STPG2: variants seen among roughly 807,000 people sequenced by gnomAD.
The protein encoded by STPG2 is sperm-tail PG-rich repeat-containing protein 2.
In STPG2, 56 loss-of-function variants were observed where a neutral mutation model predicts 54.2. That is an observed-to-expected ratio of 1.03 (90% CI 0.83 to 1.29). STPG2 has a LOEUF of 1.29. Among genes scored for constraint, STPG2 ranks in the 50% most tolerant of loss-of-function variants. The pLI, the probability that STPG2 is intolerant of heterozygous loss-of-function variation, is 0.00. For synonymous variants in STPG2, 200 were observed against 181.8 expected (o/e 1.10, Z -0.81); for missense variants, 596 against 544.9 (o/e 1.09, Z -0.93).
At chr4:97,798,172 CTCTA>C (rs1481388257) in intron 9 of STPG2, among the ~76,000 whole-genome samples, 1 of 152,090 alleles carries the variant, frequency 6.6e-6, no homozygotes, top group African/African-American at 2.4e-5. Flanking sequence ...ATTTTTGTGT[CTCTA>C]TCTCTTTCAG....
intron 9 of STPG2, among the ~76,000 whole-genome samples, chr4:97,733,076 C>A (rs1205717886): frequency 1.3e-5 from 2 of 151,858 alleles, no homozygotes; most frequent in East Asian, 3.9e-4. Flanking sequence ...TCCAGCAATC[C>A]CACTACTGGG....
At chr4:97,527,199 T>A (rs1433932617) in intron 4 of STPG2, among the ~76,000 whole-genome samples, 3 of 152,112 alleles carry the variant, frequency 2.0e-5, no homozygotes, top group Non-Finnish European at 4.4e-5. Flanking sequence ...CTTCCCTGTG[T>A]CCATGTGTTC....
At chr4:97,936,059 C>T (rs1226442504) in intron 8 of STPG2, among the ~76,000 whole-genome samples, 2 of 152,146 alleles carry the variant, frequency 1.3e-5, no homozygotes, top group Non-Finnish European at 2.9e-5. Flanking sequence ...AATCTGGGTG[C>T]TCCTGTATTG....
chr4:97,632,536 T>C lies in STPG2; in HGVS notation c.1321-73419A>G, dbSNP rs1560693975. 2.6e-5 allele frequency among the ~76,000 whole-genome samples: 4 copies of C among 152,176 alleles called. 1 individual carries two copies. The highest frequency in any genetic ancestry group is 9.6e-5 in the African/African-American group (4 of 41,470). The stretch of plus-strand genomic sequence containing the variant: ...AATAAAATACCTTTTTTTATAATCC[T>C]GAGTTCTTGCTCTGAAATGTAATGT... On this transcript the variant is annotated intron_variant, in intron 10 of 10. Coordinates refer to ENST00000295268, the MANE Select transcript of STPG2 (RefSeq NM_174952.3).
chr4:97,942,520 C>T (rs1033272968), intron 8 of STPG2, among the ~76,000 whole-genome samples: 4 of 151,986 alleles, frequency 2.6e-5, no homozygotes, highest in African/African-American at 9.7e-5. Context: ...TTACAAAAAT[C>T]TCATAGAATA....
At chr4:98,094,554 G>A (rs915525903) in intron 5 of STPG2, among the ~76,000 whole-genome samples, 1 of 152,186 alleles carries the variant, frequency 6.6e-6, no homozygotes, top group Non-Finnish European at 1.5e-5. Context: ...CCCGAGTCCA[G>A]GCCTAGGCTC....
chr4:97,957,844 C>A (rs940861429), intron 7 of STPG2, among the ~76,000 whole-genome samples: 4 of 152,122 alleles, frequency 2.6e-5, no homozygotes, highest in Non-Finnish European at 5.9e-5. Context: ...AGGAAACATA[C>A]AACCTTTTCA....
chr4:97,823,812 G>A (rs1482447345), intron 9 of STPG2, among the ~76,000 whole-genome samples: 1 of 152,086 alleles, frequency 6.6e-6, no homozygotes, highest in African/African-American at 2.4e-5. Flanking sequence ...TGGATCCGAG[G>A]CCCAACCTAG....
downstream of STPG2, among the ~76,000 whole-genome samples, chr4:97,557,593 G>A (rs2148871425): frequency 6.6e-6 from 1 of 152,266 alleles, no homozygotes; most frequent in Non-Finnish European, 1.5e-5. Context: ...TGAATGGGAT[G>A]TAAAACATAC....
chr4:98,088,383 AT>A (rs1306669066), intron 5 of STPG2, among the ~76,000 whole-genome samples: 1 of 152,062 alleles, frequency 6.6e-6, no homozygotes, highest in African/African-American at 2.4e-5. Context: ...GACACTATGT[AT>A]TTTTTCTAAT....
intron 9 of STPG2, among the ~76,000 whole-genome samples, chr4:97,769,263 G>A (rs1726152851): frequency 6.6e-6 from 1 of 152,046 alleles, no homozygotes; most frequent in Admixed American, 6.6e-5. Flanking sequence ...ACACACTCAG[G>A]TTAACCTAGT....
chr4:97,455,305 C>A (rs549930087), intron 4 of STPG2, among the ~76,000 whole-genome samples: 1 of 152,240 alleles, frequency 6.6e-6, no homozygotes, highest in East Asian at 1.9e-4. Flanking sequence ...TAAAGACAGG[C>A]ATTTGTTTTT....
At chr4:97,524,059 GT>G (rs1485675666) in intron 4 of STPG2, among the ~76,000 whole-genome samples, 1 of 151,700 alleles carries the variant, frequency 6.6e-6, no homozygotes, top group Admixed American at 6.6e-5. Flanking sequence ...AAGTTATAAA[GT>G]TTCGTGACAG....
chr4:98,069,571 C>G (rs1428880873), intron 5 of STPG2, among the ~76,000 whole-genome samples: 1 of 151,918 alleles, frequency 6.6e-6, no homozygotes, highest in Non-Finnish European at 1.5e-5. Context: ...AAAATAGAGG[C>G]AAAAACGTGT....
At chr4:98,083,088 G>A (rs1181403279) in intron 5 of STPG2, among the ~76,000 whole-genome samples, 1 of 152,032 alleles carries the variant, frequency 6.6e-6, no homozygotes, top group Non-Finnish European at 1.5e-5. Flanking sequence ...TTTGGCCTCT[G>A]TCTACCTCCC....
chr4:98,105,924 A>G, intron 5 of STPG2, 29 bp downstream of exon 5: 1 of 1,519,484 alleles, frequency 6.6e-7, no homozygotes, highest in East Asian at 2.3e-5. Context: ...AATTGGGAAA[A>G]TATATGCATT....
intron 8 of STPG2, among the ~76,000 whole-genome samples, chr4:97,857,863 A>G (rs1729383783): frequency 6.6e-6 from 1 of 152,066 alleles, no homozygotes; most frequent in South Asian, 2.1e-4. Flanking sequence ...TTAAAAAATC[A>G]AGTAGACTTT....
At chr4:97,928,141 G>A (rs376958089) in intron 8 of STPG2, among the ~76,000 whole-genome samples, 1 of 152,064 alleles carries the variant, frequency 6.6e-6, no homozygotes, top group African/African-American at 2.4e-5. Context: ...AATTTTCTTT[G>A]AGACTACCCA....
At chr4:97,933,735 T>C (rs961998783) in intron 8 of STPG2, among the ~76,000 whole-genome samples, 14 of 152,216 alleles carry the variant, frequency 9.2e-5, no homozygotes, top group Admixed American at 5.2e-4. Flanking sequence ...TCTCCTTTAG[T>C]CCCAGTACTA....
Sources: gnomAD v4.1 joint callset for allele counts (sites outside exome capture counted in the v4.1 genomes callset) on GRCh38, gnomAD v4.1.1 for gene constraint, MANE v1.5 for transcripts, NCBI Gene and HGNC (gene_info 2026-07-23, HGNC 2026-07-21) for gene names.